Variants in NOTCH3 observed in about 807,000 individuals in gnomAD.
The protein encoded by NOTCH3 is notch receptor 3.
A neutral mutation model predicts 213.3 loss-of-function variants in NOTCH3; 86 were observed. The observed-to-expected ratio is 0.40, with a 90% CI of 0.34 to 0.48. The LOEUF (loss-of-function observed/expected upper bound fraction) is 0.48. Ranked by LOEUF, NOTCH3 falls within the 20% of genes least tolerant of loss-of-function variation. The pLI is 0.57. For missense variants in NOTCH3, 2,783 were observed against 3,272.6 expected, an observed-to-expected ratio of 0.85 and a Z score of 3.65; for synonymous variants, 1,354 against 1,355.9, an observed-to-expected ratio of 1.00 and a Z score of 0.03.
intron 12 of NOTCH3, among the ~76,000 whole-genome samples, chr19:15,186,549 C>G (rs112868148): frequency 1.3e-5 from 2 of 151,940 alleles, no homozygotes; most frequent in Non-Finnish European, 2.9e-5. Flanking sequence ...GGACTACAGG[C>G]GCCCACCACC....
intron 26 of NOTCH3, 28 bp downstream of exon 26, chr19:15,170,643 C>T (rs779305865): frequency 6.5e-7 from 1 of 1,547,116 alleles, no homozygotes. Context: ...TCCGCCCCCG[C>T]CACCCCCTCC....
intron 28 of NOTCH3, among the ~76,000 whole-genome samples, chr19:15,169,663 C>G (rs2145398536): frequency 6.6e-6 from 1 of 152,310 alleles, no homozygotes; most frequent in South Asian, 2.1e-4. Context: ...ATACTGAACC[C>G]AGGGGCATGA....
chr19:15,184,037 CAAAAAAAAA>C (rs34518539), intron 16 of NOTCH3, among the ~76,000 whole-genome samples: 13 of 27,632 alleles, frequency 4.7e-4, no homozygotes, highest in African/African-American at 9.0e-4. Flanking sequence ...GACTCTGTCT[CAAAAAAAAA>C]AAAAAAAAAA....
At chr19:15,189,783 T>G (rs1210030064) in intron 6 of NOTCH3, among the ~76,000 whole-genome samples, 1 of 151,780 alleles carries the variant, frequency 6.6e-6, no homozygotes. Context: ...CCTCCCAAAG[T>G]GCTGGGATTA....
In NOTCH3 at chr19:15,178,947, C is replaced by G. The variant is rs377548417; in HGVS notation, c.3719-6G>C. The G allele has an allele frequency of 1.2e-6, 2 of 1,613,796 alleles. No individual in the cohort carries two copies. The highest frequency in any genetic ancestry group is 1.7e-6 in the Non-Finnish European group (2 of 1,179,990). ...GACAGTCTGACAGCGAGGACCTGAG[C>G]GAGCGGGAGCATGTAGATCAGCCAC... is the stretch of plus-strand genomic sequence containing the variant. On this transcript the variant is annotated splice_region_variant and splice_polypyrimidine_tract_variant and intron_variant, in intron 22 of 32. Coordinates refer to ENST00000263388, the MANE Select transcript of NOTCH3 (RefSeq NM_000435.3).
chr19:15,180,932 T>A, intron 18 of NOTCH3, 29 bp downstream of exon 18: 5 of 1,582,340 alleles, frequency 3.2e-6, no homozygotes, highest in Non-Finnish European at 4.3e-6. Context: ...GGCAGGCTCC[T>A]CCCCCAGGTC....
At chr19:15,180,342 G>A in intron 19 of NOTCH3, 86 bp from the exon 20 acceptor site, 1 of 1,423,506 alleles carries the variant, frequency 7.0e-7, no homozygotes, top group Non-Finnish European at 9.7e-7. Context: ...CAACATCCTT[G>A]GTGGAATGAG....
intron 24 of NOTCH3, among the ~76,000 whole-genome samples, chr19:15,175,480 G>A (rs1276805135): frequency 2.1e-5 from 3 of 139,956 alleles, no homozygotes; most frequent in African/African-American, 7.9e-5. Context: ...GTTGCAGTGA[G>A]CCAAGATCAC....
rs1182498567 is a variant in NOTCH3, at chr19:15,161,154, G to A, written c.6474C>T (p.Leu2158=). 1 of 1,539,214 alleles carries A rather than the reference G, an allele frequency of 6.5e-7. No individual in the cohort carries two copies. The highest frequency in any genetic ancestry group is 8.7e-7 in the Non-Finnish European group (1 of 1,148,676). ...LGRQPPGGCV[L]SLGLLNPVAV... is the part of the protein sequence containing the mutation. ...CCACAGGGTTCAGCAGGCCCAGGCT[G>A]AGTACACATCCTCCAGGGGGCTGGC... The change falls in exon 33 of 33, where the codon CTC becomes CTT. Residue 2158 remains leucine, a synonymous_variant. Transcript: ENST00000263388.
chr19:15,188,904 C>G, intron 8 of NOTCH3, 85 bp downstream of exon 8: 3 of 1,390,848 alleles, frequency 2.2e-6, no homozygotes, highest in Admixed American at 4.0e-5. Flanking sequence ...CCACTTACAC[C>G]CCATTCTGCT....
chr19:15,194,667 G>A (rs1264975655), intron 2 of NOTCH3, among the ~76,000 whole-genome samples: 1 of 151,920 alleles, frequency 6.6e-6, no homozygotes, highest in African/African-American at 2.4e-5. Flanking sequence ...AAAAGTCTCA[G>A]ACCCATGTCC....
rs766139231 is a variant in NOTCH3, at chr19:15,197,578, G to T, written c.119C>A (p.Ala40Asp). The change falls in exon 2 of 33, where the codon GCC becomes GAC. Residue 40 changes from alanine to aspartate, a missense_variant and splice_region_variant. Transcript: ENST00000263388. ...CGGGCTTCCGTCCAGGCAAGGGGGG[G>T]CTGTGTGGGGGTGAAGGAAGGTGGA... ...LLLLAGPGAA[A>D]PPCLDGSPCA... The T allele has an allele frequency of 6.2e-7, 1 of 1,611,390 alleles. No individual in the cohort carries two copies. The highest frequency in any genetic ancestry group is 8.5e-7 in the Non-Finnish European group (1 of 1,179,728).
chr19:15,184,381 G>T lies in NOTCH3; in HGVS notation c.2480C>A (p.Thr827Asn). 1 of 1,613,876 alleles carries T rather than the reference G, an allele frequency of 6.2e-7. No individual in the cohort carries two copies. The highest frequency in any genetic ancestry group is 1.1e-5 in the South Asian group (1 of 91,074). The part of the protein sequence containing the change: ...PAPCGPHGIC[T>N]NLAGSFSCTC... ...GCAGCTGAAACTCCCTGCCAGGTTGGTGCAGATACCATGAGGGCCACAGGG... is the reference window on the plus strand; with the variant it reads ...GCAGCTGAAACTCCCTGCCAGGTTGTTGCAGATACCATGAGGGCCACAGGG... Residue 827 changes from threonine (T) to asparagine (N), a missense_variant, in exon 16 of 33, where the codon ACC becomes AAC. Thr to Asn is a moderately conservative substitution (Grantham distance 65). Transcript: ENST00000263388.
In NOTCH3 at chr19:15,174,274, G is replaced by A. The variant is rs1315708834; in HGVS notation, c.4530C>T (p.Arg1510=). 2 of 1,567,926 alleles carry A rather than the reference G, an allele frequency of 1.3e-6. No individual in the cohort carries two copies. The highest frequency in any genetic ancestry group is 1.7e-6 in the Non-Finnish European group (2 of 1,159,438). Residue 1510 remains arginine (R), a synonymous_variant, in exon 25 of 33, where the codon CGC becomes CGT. Transcript: ENST00000263388. ...CASEVPALLA[R]GVLVLTVLLP... is the part of the protein sequence containing the mutation. Reference sequence around the variant, plus strand: ...GCAGCACTGTGAGCACCAGCACGCCGCGGGCCAGCAGGGCCGGCACCTCGC... The same window carrying A: ...GCAGCACTGTGAGCACCAGCACGCCACGGGCCAGCAGGGCCGGCACCTCGC...
chr19:15,198,003 C>T (rs1386022977), intron 1 of NOTCH3, among the ~76,000 whole-genome samples: 3 of 152,124 alleles, frequency 2.0e-5, no homozygotes, highest in Non-Finnish European at 4.4e-5. Flanking sequence ...CCTAGGGCCA[C>T]GGGTCTTCCT....
Position 15,192,042 on chromosome 19 carries a change from C to T in NOTCH3, c.597G>A (p.Val199=), listed in dbSNP as rs756723594. The change falls in exon 4 of 33, where the codon GTG becomes GTA. Residue 199 remains valine (V), a synonymous_variant. Transcript: ENST00000263388. ...TACGGCATGGTGAGGGTGCACAGGG[C>T]ACCGCGGGGTTCTCACATAGTGGCC... The part of the protein sequence containing the change: ...YTGPLCENPA[V]PCAPSPCRNG... The T allele has an allele frequency of 6.2e-7, 1 of 1,613,184 alleles. No individual in the cohort carries two copies. The highest frequency in any genetic ancestry group is 1.1e-5 in the South Asian group (1 of 91,082).
At chr19:15,164,820 G>T (rs2046672626) in intron 31 of NOTCH3, among the ~76,000 whole-genome samples, 1 of 150,708 alleles carries the variant, frequency 6.6e-6, no homozygotes, top group African/African-American at 2.4e-5. Context: ...GATGGAGTCT[G>T]TCCCCCAGGC....
At chr19:15,186,237 A>C (rs1313426186) in intron 12 of NOTCH3, among the ~76,000 whole-genome samples, 1 of 151,602 alleles carries the variant, frequency 6.6e-6, no homozygotes, top group East Asian at 2.0e-4. Flanking sequence ...GTGCTGGGGG[A>C]TTACAGACAT....
At chr19:15,197,447 C>G in intron 2 of NOTCH3, 53 bp downstream of exon 2, 2 of 707,590 alleles carry the variant, frequency 2.8e-6, no homozygotes, top group Non-Finnish European at 2.6e-6. Context: ...AATCGCCCCT[C>G]CCCCCCGCCC....
Sources: allele counts gnomAD v4.1 joint callset (sites outside exome capture counted in the v4.1 genomes callset), GRCh38; gene constraint gnomAD v4.1.1; transcripts MANE v1.5; gene names NCBI Gene and HGNC (gene_info 2026-07-23, HGNC 2026-07-21).